Variants in CHD3 observed in about 807,000 individuals in gnomAD.
CHD3 encodes chromodomain helicase DNA binding protein 3.
Under a neutral mutation model 248.9 loss-of-function variants are expected in CHD3, and 52 were observed. That is an observed-to-expected ratio of 0.21 (90% CI 0.17 to 0.26). CHD3 has a LOEUF of 0.26. Ranked by LOEUF, CHD3 falls within the 10% of genes least tolerant of loss-of-function variation. The pLI is 1.00. For synonymous variants in CHD3, 985 were observed against 985.2 expected, an observed-to-expected ratio of 1.00 and a Z score of 0.00; for missense variants, 1,482 against 2,605.8, an observed-to-expected ratio of 0.57 and a Z score of 9.39.
At position 7,899,263 on chromosome 17, in the gene CHD3, A is replaced by C; in HGVS notation, c.2343+61A>C. ...GACTGGGGAAGTGGGGAGGGGGAAG[A>C]TAAAGGGGTGTAGCTGGCAGAGGAC... On this transcript the variant is annotated intron_variant, in intron 14 of 39. Coordinates refer to ENST00000330494, the MANE Select transcript of CHD3 (RefSeq NM_001005273.3). This position sits in a 1 kb window ranked among gnomAD's most constrained non-coding sequence, Gnocchi z 6.8. 6.9e-6 allele frequency: 11 copies of C among 1,602,034 alleles called. No individual in the cohort carries two copies. The highest frequency in any genetic ancestry group is 9.4e-6 in the Non-Finnish European group (11 of 1,170,184).
Position 7,911,611 on chromosome 17 carries a change from C to T in CHD3, c.*26C>T, listed in dbSNP as rs1971677512. On this transcript the variant is annotated 3_prime_UTR_variant, in exon 40 of 40. Transcript: ENST00000330494. This position sits in a 1 kb window ranked among gnomAD's most constrained non-coding sequence, Gnocchi z 5.4. ...CTGGATCCCAGGCCTGCCCTTCACC[C>T]AGGCCCCGTCCCCGAGGCCGACCCC... is the stretch of plus-strand genomic sequence containing the variant. 2 of 1,613,568 alleles carry T rather than the reference C, an allele frequency of 1.2e-6. No homozygotes were observed. The highest frequency in any genetic ancestry group is 1.7e-6 in the Non-Finnish European group (2 of 1,179,668).
chr17:7,908,570 A>G lies in CHD3; in HGVS notation c.5261+60A>G. On this transcript the variant is annotated intron_variant, in intron 35 of 39. Transcript: ENST00000330494. The surrounding 1 kb of genome is among the most constrained non-coding windows in gnomAD (Gnocchi z 5.8). ...TCTCTCAAGCTGGCAAAAAAAAAAAAGATGATTTCACACCCAGGGACAGGG... is the reference window on the plus strand; with the variant it reads ...TCTCTCAAGCTGGCAAAAAAAAAAAGGATGATTTCACACCCAGGGACAGGG... The G allele has an allele frequency of 1.3e-6, 2 of 1,567,834 alleles. No individual in the cohort carries two copies. The highest frequency in any genetic ancestry group is 1.8e-6 in the Non-Finnish European group (2 of 1,141,526).
At chr17:7,901,442 A>T in intron 20 of CHD3, 67 bp downstream of exon 20, 3 of 1,387,282 alleles carry the variant, frequency 2.2e-6, no homozygotes, top group East Asian at 2.6e-5. Context: ...CCAGACTTTA[A>T]TTTCTTACGG....
At position 7,901,141 on chromosome 17, in the gene CHD3, CAT is replaced by C. The variant is rs1970251420; in HGVS notation, c.3121-102_3121-101del. 4.0e-6 allele frequency: 6 copies of C among 1,516,832 alleles called. No homozygotes were observed. In the South Asian group the frequency reaches 5.1e-5, roughly 13 times the overall value. The allele number at this position is 1,516,832 out of a possible 1,614,324, so 94.0% of individuals were successfully genotyped here. A position where few individuals can be genotyped will look rare whatever the true frequency, so the allele number is the denominator to read the frequency against. ...GTCTGAGAACAGGAGGAATTGGGAA[CAT>C]GTGGAAGCTGGATCCGGGCATCTGG... is the stretch of plus-strand genomic sequence containing the variant. On this transcript the variant is annotated intron_variant, in intron 19 of 39. Transcript: ENST00000330494.
Position 7,899,960 on chromosome 17 carries a change from C to T in CHD3, c.2609C>T (p.Ala870Val). 1 of 1,614,004 alleles carries T rather than the reference C, an allele frequency of 6.2e-7. No homozygotes were observed. Among genetic ancestry groups the T allele is most frequent in the Non-Finnish European group, 8.5e-7 (1 of 1,179,950 alleles). Reference sequence around the variant, plus strand: ...TATGAGCTGATCACCATTGATCAGGCAGCACTTGGTTCCATCCGCTGGGCC... The same window carrying T: ...TATGAGCTGATCACCATTGATCAGGTAGCACTTGGTTCCATCCGCTGGGCC... Reference protein sequence around the residue: ...TSYELITIDQAALGSIRWACL... With the variant: ...TSYELITIDQVALGSIRWACL... The change falls in exon 16 of 40, where the codon GCA (alanine) becomes GTA (valine). Residue 870 changes from alanine (A) to valine (V), a missense_variant. Transcript: ENST00000330494. The surrounding 1 kb of genome is among the most constrained non-coding windows in gnomAD (Gnocchi z 6.8).
Position 7,890,620 on chromosome 17 carries a change from C to T in CHD3, c.263C>T (p.Ser88Leu). The T allele has an allele frequency of 1.2e-6, 2 of 1,603,790 alleles. No individual in the cohort carries two copies. The highest frequency in any genetic ancestry group is 1.1e-5 in the South Asian group (1 of 90,038). The change falls in exon 3 of 40, where the codon TCA (serine) becomes TTA (leucine). Residue 88 changes from serine (S) to leucine (L), a missense_variant. By Grantham distance (145) the Ser-to-Leu change is moderately radical. This residue lies in a region of CHD3 where 169 missense variants were observed against 168.1 expected (regional missense o/e 1.01). Coordinates refer to ENST00000330494, the MANE Select transcript of CHD3 (RefSeq NM_001005273.3). ...GSERDEYREK[S>L]ESGGSEYGTG... ...GAGCGAGATGAGTACCGGGAGAAGT[C>T]AGAGAGTGGGGGCAGTGAATATGGA...
intron 2 of CHD3, chr17:7,890,294 G>A (rs1312992784): frequency 7.0e-6 from 2 of 287,184 alleles, no homozygotes; most frequent in East Asian, 6.7e-5. Flanking sequence ...AGCCGGGCGC[G>A]GTGGTACGTC....
chr17:7,907,603 A>G lies in CHD3; in HGVS notation c.4927A>G (p.Thr1643Ala), dbSNP rs1056265737. The change falls in exon 33 of 40, where the codon ACA becomes GCA. Residue 1643 changes from threonine (T) to alanine (A), a missense_variant and splice_region_variant. By Grantham distance (58) the Thr-to-Ala change is moderately conservative (BLOSUM62 0). Transcript: ENST00000330494. The surrounding 1 kb of genome is among the most constrained non-coding windows in gnomAD (Gnocchi z 4.3). ...CTATCCCCTACCCCCTCCCACAGCC[A>G]CAGAGTCGACGCCAGGAGAAAGGGG... The part of the protein sequence containing the change: ...GYRGDREKSA[T>A]ESTPGERGEE... The G allele has an allele frequency of 6.0e-6, 9 of 1,512,546 alleles. No homozygotes were observed. In the Admixed American group the frequency reaches 7.6e-5, roughly 13 times the overall value. 93.7% of individuals were successfully genotyped at this position (1,512,546 alleles called of 1,614,324 possible). A position where few individuals can be genotyped will look rare whatever the true frequency, so the allele number is the denominator to read the frequency against.
Position 7,897,118 on chromosome 17 carries a change from C to T in CHD3, c.1743C>T (p.Tyr581=), listed in dbSNP as rs1969779829. The change falls in exon 11 of 40, where the codon TAC becomes TAT. Residue 581 remains tyrosine, a synonymous_variant. Coordinates refer to ENST00000330494, the MANE Select transcript of CHD3 (RefSeq NM_001005273.3). This position sits in a 1 kb window ranked among gnomAD's most constrained non-coding sequence, Gnocchi z 4.8. ...EIFHLVMYRN[Y]QRKNDMDEPP... is the part of the protein sequence containing the mutation. ...TCCATTTGGTTATGTATCGAAACTA[C>T]CAGCGGAAGAATGACATGGATGAGC... is the stretch of plus-strand genomic sequence containing the variant. 2 of 1,614,158 alleles carry T rather than the reference C, an allele frequency of 1.2e-6. No individual in the cohort carries two copies. Among genetic ancestry groups the T allele is most frequent in the East Asian group, 4.5e-5 (2 of 44,890 alleles).
chr17:7,906,682 T>A lies in CHD3; in HGVS notation c.4488T>A (p.Ser1496=). The A allele has an allele frequency of 6.2e-7, 1 of 1,605,220 alleles. No individual in the cohort carries two copies. Residue 1496 remains serine (S), a synonymous_variant, in exon 29 of 40, where the codon TCT becomes TCA. Coordinates refer to ENST00000330494, the MANE Select transcript of CHD3 (RefSeq NM_001005273.3). The surrounding 1 kb of genome is among the most constrained non-coding windows in gnomAD (Gnocchi z 5.0). ...QQVLTRIGVM[S]LVKKKVQEFE... ...TGTTGACCCGCATTGGAGTCATGTCTCTCGTCAAAAAGAAGGTATCAGTCT... is the reference window on the plus strand; with the variant it reads ...TGTTGACCCGCATTGGAGTCATGTCACTCGTCAAAAAGAAGGTATCAGTCT...
rs776712947 is a variant in CHD3 at position 7,910,910 on chromosome 17, G to T, written c.5818G>T (p.Val1940Leu). The T allele has an allele frequency of 8.1e-6, 13 of 1,613,530 alleles. No homozygotes were observed. The African/African-American group carries it at 1.5e-4, about 18-fold the overall frequency. The change falls in exon 39 of 40, where the codon GTA (valine) becomes TTA (leucine). Residue 1940 changes from valine (V) to leucine (L), a missense_variant. This residue lies in a region of CHD3 where 117 missense variants were observed against 137.2 expected (regional missense o/e 0.85). Coordinates refer to ENST00000330494, the MANE Select transcript of CHD3 (RefSeq NM_001005273.3). This position sits in a 1 kb window ranked among gnomAD's most constrained non-coding sequence, Gnocchi z 4.7. ...GYGAAFSAAP[V>L]GALAAAGANY... The stretch of plus-strand genomic sequence containing the variant: ...CGGGGCGGCCTTCAGCGCCGCACCC[G>T]TAGGGGCCCTGGCCGCCGCAGGCGC...
rs568271401 is a variant in CHD3 at position 7,896,101 on chromosome 17, AC to A, written c.1707+561del. 5.3e-3 allele frequency among the ~76,000 whole-genome samples: 799 copies of A among 151,784 alleles called. 7 individuals carry two copies. The highest frequency in any genetic ancestry group is 0.018 in the African/African-American group (747 of 41,398). ...AAATTAGCTGGGCGTGGTGGCAGGC[AC>A]CTGTAGTCCCAGCTACTCAGGAGGC... On this transcript the variant is annotated intron_variant, in intron 10 of 39. Coordinates refer to ENST00000330494, the MANE Select transcript of CHD3 (RefSeq NM_001005273.3).
At position 7,900,174 on chromosome 17, in the gene CHD3, T is replaced by G; in HGVS notation, c.2683-116T>G. 1 of 1,535,826 alleles carries G rather than the reference T, an allele frequency of 6.5e-7. No homozygotes were observed. Among genetic ancestry groups the G allele is most frequent in the Non-Finnish European group, 8.9e-7 (1 of 1,128,768 alleles). On this transcript the variant is annotated intron_variant, in intron 16 of 39. Transcript: ENST00000330494. This position sits in a 1 kb window ranked among gnomAD's most constrained non-coding sequence, Gnocchi z 6.5. Reference sequence around the variant, plus strand: ...TGGAAGAGGGAGAGGGCCAGAGATTTGGGGCCTCTGATCCTGAGTGAAATG... The same window carrying G: ...TGGAAGAGGGAGAGGGCCAGAGATTGGGGGCCTCTGATCCTGAGTGAAATG...
rs1971007506 is a variant in CHD3 at position 7,906,766 on chromosome 17, C to T, written c.4503+69C>T. On this transcript the variant is annotated intron_variant, in intron 29 of 39. Coordinates refer to ENST00000330494, the MANE Select transcript of CHD3 (RefSeq NM_001005273.3). The surrounding 1 kb of genome is among the most constrained non-coding windows in gnomAD (Gnocchi z 5.0). ...GTCTCTGTCCTTCCTCTGCCTCTGT[C>T]CCTGAGTTGTAAGCTTGCGCTGGTG... 2 of 1,585,366 alleles carry T rather than the reference C, an allele frequency of 1.3e-6. No homozygotes were observed. The highest frequency in any genetic ancestry group is 1.2e-5 in the South Asian group (1 of 86,460).
rs1054203895 is a variant in CHD3, at chr17:7,904,056, C to T, written c.3894+65C>T. 4 of 1,551,842 alleles carry T rather than the reference C, an allele frequency of 2.6e-6. No individual in the cohort carries two copies. The African/African-American group carries it at 4.1e-5, about 16-fold the overall frequency. ...CATCTCCAAAAGGCAGTATCCTTTACTCAGCCTTGAAGTAGGAGGGTCTGT... is the reference window on the plus strand; with the variant it reads ...CATCTCCAAAAGGCAGTATCCTTTATTCAGCCTTGAAGTAGGAGGGTCTGT... On this transcript the variant is annotated intron_variant, in intron 24 of 39. Transcript: ENST00000330494. This position sits in a 1 kb window ranked among gnomAD's most constrained non-coding sequence, Gnocchi z 4.4.
In CHD3 at chr17:7,907,263, G is replaced by C; in HGVS notation, c.4788+16G>C. 2 of 1,614,218 alleles carry C rather than the reference G, an allele frequency of 1.2e-6. No individual in the cohort carries two copies. The highest frequency in any genetic ancestry group is 1.7e-6 in the Non-Finnish European group (2 of 1,180,032). Reference sequence around the variant, plus strand: ...GGAGACAGAGGTGTGTGGCTCCCTGGATTCCCCTGTGGAGCGGGAGGGGAG... The same window carrying C: ...GGAGACAGAGGTGTGTGGCTCCCTGCATTCCCCTGTGGAGCGGGAGGGGAG... On this transcript the variant is annotated intron_variant, in intron 31 of 39. Transcript: ENST00000330494. The surrounding 1 kb of genome is among the most constrained non-coding windows in gnomAD (Gnocchi z 4.3).
At position 7,907,100 on chromosome 17, in the gene CHD3, C is replaced by G. The variant is rs369516160; in HGVS notation, c.4667-26C>G. 9 of 1,614,036 alleles carry G rather than the reference C, an allele frequency of 5.6e-6. No individual in the cohort carries two copies. The African/African-American group carries it at 1.2e-4, about 22-fold the overall frequency. On this transcript the variant is annotated intron_variant, in intron 30 of 39. Transcript: ENST00000330494. The surrounding 1 kb of genome is among the most constrained non-coding windows in gnomAD (Gnocchi z 4.3). ...GGAGTCAGGGCGGGAGAATCTCTGT[C>G]TTTATCACTGTGCCTTCCCCTGCAG...
rs747457869 is a variant in CHD3 at position 7,910,507 on chromosome 17, C to T, written c.5670C>T (p.Pro1890=). The change falls in exon 38 of 40, where the codon CCC becomes CCT. Residue 1890 remains proline, a synonymous_variant. Transcript: ENST00000330494. This position sits in a 1 kb window ranked among gnomAD's most constrained non-coding sequence, Gnocchi z 4.7. ...TGCCAGCCACGCTGTCCCGAATACC[C>T]CCCATCGCAGCCCGCCTTCAGATGT... ...TRLPATLSRI[P]PIAARLQMSE... is the part of the protein sequence containing the mutation. The T allele has an allele frequency of 1.4e-5, 22 of 1,613,920 alleles. No homozygotes were observed. The South Asian group carries it at 2.3e-4, about 17-fold the overall frequency.
In CHD3 at chr17:7,906,277, CT is replaced by C; in HGVS notation, c.4359-275del. 2.9e-6 allele frequency: 2 copies of C among 691,600 alleles called. No homozygotes were observed. The highest frequency in any genetic ancestry group is 3.1e-5 in the South Asian group (2 of 64,214). The allele number at this position is 691,600 out of a possible 1,614,324, so 42.8% of individuals were successfully genotyped here. ...CTCACATTTACTTGACCACAATAAC[CT>C]GGCAGGAGGAGCTGGTGGAAAGGAT... On this transcript the variant is annotated intron_variant, in intron 28 of 39. Coordinates refer to ENST00000330494, the MANE Select transcript of CHD3 (RefSeq NM_001005273.3). The surrounding 1 kb of genome is among the most constrained non-coding windows in gnomAD (Gnocchi z 5.0).
Sources: allele counts gnomAD v4.1 joint callset (sites outside exome capture counted in the v4.1 genomes callset), GRCh38; gene constraint gnomAD v4.1.1; regional missense constraint gnomAD v4.1.1; non-coding constraint Gnocchi (gnomAD v3.1); transcripts MANE v1.5; gene names NCBI Gene and HGNC (gene_info 2026-07-23, HGNC 2026-07-21).